LINGO2: variants seen among roughly 807,000 people sequenced by gnomAD.
The protein encoded by LINGO2 is leucine rich repeat and Ig domain containing 2.
LINGO2 carries 14 observed loss-of-function variants against 30.6 expected under a neutral mutation model. That is an observed-to-expected ratio of 0.46 (90% confidence interval 0.30 to 0.72). LINGO2 has a LOEUF of 0.72. Ranked by LOEUF, LINGO2 falls within the 30% of genes least tolerant of loss-of-function variation. LINGO2 has a pLI of 0.07. For synonymous variants in LINGO2, 317 were observed against 288.5 expected (o/e 1.10, Z -1.00); for missense variants, 729 against 751.7 (o/e 0.97, Z 0.35).
the LINGO2 span, among the ~76,000 whole-genome samples, chr9:29,089,990 C>T: frequency 1.3e-5 from 2 of 151,916 alleles, no homozygotes; most frequent in African/African-American, 4.8e-5. Context: ...ATATAATTCT[C>T]ACCCTCTTTT....
the LINGO2 span, among the ~76,000 whole-genome samples, chr9:28,914,367 A>C: frequency 1.3e-5 from 2 of 152,194 alleles, no homozygotes; most frequent in African/African-American, 4.8e-5. Context: ...TATGTGTGGG[A>C]TTTATAACTG....
intron 5 of LINGO2, among the ~76,000 whole-genome samples, chr9:27,969,446 A>G (rs1039537023): frequency 1.3e-5 from 2 of 152,178 alleles, no homozygotes; most frequent in South Asian, 4.1e-4. Flanking sequence ...GGGCTACTAA[A>G]TATCTTTCTA....
chr9:29,098,781 T>A, the LINGO2 span, among the ~76,000 whole-genome samples: 2 of 152,288 alleles, frequency 1.3e-5, no homozygotes, highest in Non-Finnish European at 2.9e-5. Context: ...ATCAAATATA[T>A]CTGCATTTTT....
chr9:28,731,074 T>C, the LINGO2 span, among the ~76,000 whole-genome samples: 3,915 of 151,968 alleles, frequency 0.026, 162 homozygotes, highest in African/African-American at 0.089. Flanking sequence ...CACCACAACC[T>C]CTGCCTCCCG....
chr9:28,026,560 T>TTA (rs1355993804), intron 4 of LINGO2, among the ~76,000 whole-genome samples: 1 of 152,198 alleles, frequency 6.6e-6, no homozygotes, highest in African/African-American at 2.4e-5. Flanking sequence ...TACTGCATTC[T>TTA]TACCATGGGG....
chr9:29,211,640 A>T, the LINGO2 span, among the ~76,000 whole-genome samples: 6 of 151,638 alleles, frequency 4.0e-5, no homozygotes, highest in African/African-American at 1.5e-4. Flanking sequence ...CAGTTCTCTG[A>T]GCCAATCCCT....
chr9:28,514,946 A>AC (rs1820558022), intron 1 of LINGO2, among the ~76,000 whole-genome samples: 1 of 151,612 alleles, frequency 6.6e-6, no homozygotes, highest in Non-Finnish European at 1.5e-5. Flanking sequence ...AAAAAAAAAA[A>AC]AGAAGCCTGG....
At chr9:28,238,442 G>T (rs1336083805) in intron 4 of LINGO2, among the ~76,000 whole-genome samples, 2 of 152,116 alleles carry the variant, frequency 1.3e-5, no homozygotes, top group African/African-American at 4.8e-5. Context: ...GAAATTTCAG[G>T]CATCATCTCT....
chr9:28,480,588 GCC>G (rs1825921197), intron 1 of LINGO2, among the ~76,000 whole-genome samples: 1 of 152,018 alleles, frequency 6.6e-6, no homozygotes, highest in Non-Finnish European at 1.5e-5. Flanking sequence ...GGAAACTATT[GCC>G]AGGAGGAAGA....
At chr9:28,480,443 C>A (rs2135217646) in intron 1 of LINGO2, among the ~76,000 whole-genome samples, 1 of 151,992 alleles carries the variant, frequency 6.6e-6, no homozygotes, top group Admixed American at 6.6e-5. Flanking sequence ...TCAAGGAATC[C>A]ATGGCAGAAG....
At chr9:28,799,032 CAGAA>C in the LINGO2 span, among the ~76,000 whole-genome samples, 391 of 152,056 alleles carry the variant, frequency 2.6e-3, 1 homozygote, top group African/African-American at 9.0e-3. Context: ...TATTGGTAAT[CAGAA>C]AGTTTGTGGT....
chr9:28,453,218 GA>G (rs1202984263), intron 2 of LINGO2, among the ~76,000 whole-genome samples: 1 of 151,868 alleles, frequency 6.6e-6, no homozygotes, highest in African/African-American at 2.4e-5. Context: ...GAATAAAAAA[GA>G]GTCCCTACTC....
chr9:28,649,011 T>C (rs1827968346), intron 1 of LINGO2, among the ~76,000 whole-genome samples: 1 of 151,930 alleles, frequency 6.6e-6, no homozygotes, highest in African/African-American at 2.4e-5. Flanking sequence ...ACTCTGAGAG[T>C]TGAAGTAGTT....
chr9:28,214,394 G>T (rs914474637), intron 4 of LINGO2, among the ~76,000 whole-genome samples: 1 of 151,480 alleles, frequency 6.6e-6, no homozygotes, highest in Non-Finnish European at 1.5e-5. Context: ...GTCTACACTT[G>T]AAAATACACT....
At chr9:28,038,870 A>G (rs1295555505) in intron 4 of LINGO2, among the ~76,000 whole-genome samples, 2 of 152,208 alleles carry the variant, frequency 1.3e-5, no homozygotes, top group African/African-American at 4.8e-5. Flanking sequence ...TTAAAATTCT[A>G]TTTGTTTCTG....
chr9:28,666,333 T>C (rs1278514004), intron 1 of LINGO2, among the ~76,000 whole-genome samples: 1 of 152,158 alleles, frequency 6.6e-6, no homozygotes, highest in Non-Finnish European at 1.5e-5. Context: ...AATGGAAATA[T>C]ATATAACCAA....
chr9:28,502,131 G>GACACACAC (rs57545947), intron 1 of LINGO2, among the ~76,000 whole-genome samples: 3,161 of 147,088 alleles, frequency 0.021, 46 homozygotes, highest in Admixed American at 0.032. Flanking sequence ...GAGAAACACA[G>GACACACAC]ACACACACAC....
the LINGO2 span, among the ~76,000 whole-genome samples, chr9:28,994,623 A>G: frequency 2.6e-5 from 4 of 151,516 alleles, no homozygotes; most frequent in Non-Finnish European, 5.9e-5. Context: ...AAACTATACT[A>G]CAAGGCTACA....
chr9:28,503,498 G>T (rs1819977611), intron 1 of LINGO2, among the ~76,000 whole-genome samples: 1 of 151,890 alleles, frequency 6.6e-6, no homozygotes, highest in Non-Finnish European at 1.5e-5. Flanking sequence ...ATGTCTACAT[G>T]AAATCAAAAG....
Sources: allele counts gnomAD v4.1 joint callset (sites outside exome capture counted in the v4.1 genomes callset), GRCh38; gene constraint gnomAD v4.1.1; transcripts MANE v1.5; gene names NCBI Gene and HGNC (gene_info 2026-07-23, HGNC 2026-07-21).